Variants in NGLY1 observed in about 807,000 individuals in gnomAD.
The protein encoded by NGLY1 is N-glycanase 1, also known as peptide-N(4)-(N-acetyl-beta-glucosaminyl)asparagine amidase.
NGLY1 carries 68 observed loss-of-function variants against 84.6 expected under a neutral mutation model. The ratio of observed to expected loss-of-function variants is 0.80; its 90% CI spans 0.66 to 0.98. NGLY1 has a LOEUF of 0.98. NGLY1 is among the 50% of genes least tolerant of loss of function. The pLI, the probability that NGLY1 is intolerant of heterozygous loss-of-function variation, is 0.00. For synonymous variants in NGLY1, 280 were observed against 275.2 expected (o/e 1.02, Z -0.17); for missense variants, 779 against 770.2 (o/e 1.01, Z -0.14).
chr3:25,748,891 C>A (rs571265151), intron 4 of NGLY1, among the ~76,000 whole-genome samples: 1 of 151,254 alleles, frequency 6.6e-6, no homozygotes. Flanking sequence ...ACTGCAAATG[C>A]GTATTCAGGT....
chr3:25,739,694 C>G lies in NGLY1; in HGVS notation c.764G>C (p.Gly255Ala). 6.2e-7 allele frequency: 1 copy of G among 1,614,064 alleles called. No individual in the cohort carries two copies. The highest frequency in any genetic ancestry group is 8.5e-7 in the Non-Finnish European group (1 of 1,179,992). ...VNNVLCSKCG[G>A]QTRSRDRSLL... ...TGATCTATCTCTAGACCTAGTCTGT[C>G]CACCACATTTGCTGCACAAAACGTT... The change falls in exon 5 of 12, where the codon GGA becomes GCA. Residue 255 changes from glycine to alanine, a missense_variant. Physicochemically the swap from Gly to Ala is moderately conservative, Grantham distance 60 (BLOSUM62 0). Coordinates refer to ENST00000280700, the MANE Select transcript of NGLY1 (RefSeq NM_018297.4).
chr3:25,719,586 A>T lies in NGLY1; in HGVS notation c.1839T>A (p.Ile613=). 1 of 1,614,036 alleles carries T rather than the reference A, an allele frequency of 6.2e-7. No homozygotes were observed. The change falls in exon 12 of 12, where the codon ATT becomes ATA. Residue 613 remains isoleucine, a synonymous_variant. Transcript: ENST00000280700. The part of the protein sequence containing the change: ...YADFSGATEV[I]LEAELSRGDG... Reference sequence around the variant, plus strand: ...CTCCTCTGCTTAATTCTGCTTCCAAAATAACTTCAGTGGCACCAGAAAAAT... The same window carrying T: ...CTCCTCTGCTTAATTCTGCTTCCAATATAACTTCAGTGGCACCAGAAAAAT...
intron 4 of NGLY1, among the ~76,000 whole-genome samples, chr3:25,742,664 A>G (rs908663826): frequency 3.3e-5 from 5 of 152,178 alleles, no homozygotes; most frequent in African/African-American, 1.2e-4. Context: ...TTCTCAGTCT[A>G]GTGCCTACCA....
intron 2 of NGLY1, among the ~76,000 whole-genome samples, chr3:25,766,840 T>C (rs1352740510): frequency 6.6e-6 from 1 of 152,206 alleles, no homozygotes; most frequent in Non-Finnish European, 1.5e-5. Flanking sequence ...ACGCTGCTCA[T>C]GCCATGCTCC....
chr3:25,777,434 C>T (rs1708208983), intron 2 of NGLY1, among the ~76,000 whole-genome samples: 1 of 150,942 alleles, frequency 6.6e-6, no homozygotes, highest in Admixed American at 6.6e-5. Flanking sequence ...AGTGGCTTCT[C>T]ATCTCACTTA....
intron 1 of NGLY1, chr3:25,782,728 T>A (rs536692348): frequency 6.6e-6 from 1 of 152,602 alleles, no homozygotes; most frequent in East Asian, 1.9e-4. Context: ...TTAAAAATTT[T>A]AAAACCCACC....
intron 10 of NGLY1, among the ~76,000 whole-genome samples, chr3:25,722,819 C>G (rs1305152496): frequency 6.6e-6 from 1 of 152,168 alleles, no homozygotes; most frequent in Admixed American, 6.5e-5. Context: ...TCATTAGTTT[C>G]ACCCATCCTA....
chr3:25,788,512 TAA>T (rs936419142), intron 1 of NGLY1, among the ~76,000 whole-genome samples: 5 of 152,350 alleles, frequency 3.3e-5, no homozygotes, highest in African/African-American at 1.2e-4. Flanking sequence ...GAAAAGGTGA[TAA>T]GAGGTAGATA....
rs575619176 is a variant in NGLY1, at chr3:25,782,424, A to AC, written c.131+835dup. 1.8e-3 allele frequency among the ~76,000 whole-genome samples: 280 copies of AC among 151,644 alleles called. 1 individual carries two copies. The highest frequency in any genetic ancestry group is 5.8e-3 in the African/African-American group (238 of 41,278). ...CCTTTAACCTCAGTTCCATTTCCCT[A>AC]CCCCCCCACACCATGTCCCTTCAGA... On this transcript the variant is annotated intron_variant, in intron 1 of 11. Transcript: ENST00000280700.
intron 4 of NGLY1, among the ~76,000 whole-genome samples, chr3:25,742,858 C>T (rs1020790067): frequency 7.7e-6 from 1 of 129,034 alleles, no homozygotes; most frequent in Admixed American, 9.3e-5. Flanking sequence ...ATCACTGTAG[C>T]CTATGAATGT....
exon 1 of NGLY1, chr3:25,789,914 G>A (rs1335416800): frequency 5.2e-6 from 8 of 1,551,264 alleles, no homozygotes; most frequent in Non-Finnish European, 7.0e-6. Flanking sequence ...GAGGTTCCGA[G>A]AGGGGCGTCT....
chr3:25,747,178 AT>A (rs1426655316), intron 4 of NGLY1, among the ~76,000 whole-genome samples: 1 of 152,232 alleles, frequency 6.6e-6, no homozygotes, highest in Non-Finnish European at 1.5e-5. Context: ...GCAAGGCTAT[AT>A]TATTATCCTG....
chr3:25,760,466 T>C (rs1707254825), intron 3 of NGLY1, among the ~76,000 whole-genome samples: 1 of 152,204 alleles, frequency 6.6e-6, no homozygotes, highest in Admixed American at 6.5e-5. Flanking sequence ...TGTAATCCCC[T>C]ATCAGAGGGC....
intron 2 of NGLY1, among the ~76,000 whole-genome samples, chr3:25,775,100 C>T (rs755871403): frequency 3.3e-5 from 5 of 152,376 alleles, no homozygotes; most frequent in African/African-American, 4.8e-5. Flanking sequence ...CGTCACACTT[C>T]GGGCACTCAC....
At chr3:25,740,528 T>A (rs1329028092) in intron 4 of NGLY1, among the ~76,000 whole-genome samples, 1 of 152,168 alleles carries the variant, frequency 6.6e-6, no homozygotes, top group Non-Finnish European at 1.5e-5. Context: ...TTTAATGTTT[T>A]ATGATTAAAA....
intron 3 of NGLY1, among the ~76,000 whole-genome samples, chr3:25,761,471 A>G (rs17016988): frequency 1.3e-5 from 2 of 152,314 alleles, no homozygotes; most frequent in Middle Eastern, 3.4e-3. Context: ...TTTGAAAATC[A>G]ATTAAGTCAT....
chr3:25,758,175 G>GA (rs751972741), intron 3 of NGLY1, among the ~76,000 whole-genome samples: 65 of 152,208 alleles, frequency 4.3e-4, no homozygotes, highest in Non-Finnish European at 3.2e-4. Context: ...GTGCAAAAAA[G>GA]AAAATCACTA....
chr3:25,734,732 T>G, intron 7 of NGLY1: 1 of 866,114 alleles, frequency 1.2e-6, no homozygotes, highest in Non-Finnish European at 1.4e-6. Context: ...TAAAATAAAA[T>G]AAAACGTAAA....
chr3:25,759,179 T>TAA (rs1707184094), intron 3 of NGLY1, among the ~76,000 whole-genome samples: 1 of 152,134 alleles, frequency 6.6e-6, no homozygotes, highest in Admixed American at 6.6e-5. Context: ...CTGGCCTTTA[T>TAA]TAAGAGCAGA....
Sources: gnomAD v4.1 joint callset for allele counts (sites outside exome capture counted in the v4.1 genomes callset) on GRCh38, gnomAD v4.1.1 for gene constraint, MANE v1.5 for transcripts, NCBI Gene and HGNC (gene_info 2026-07-23, HGNC 2026-07-21) for gene names.